CCDC102B: variants seen among roughly 807,000 people sequenced by gnomAD.
CCDC102B encodes the protein coiled-coil domain-containing protein 102B.
CCDC102B carries 75 observed loss-of-function variants against 57.4 expected under a neutral mutation model. That is an observed-to-expected ratio of 1.31 (90% CI 1.08 to 1.58). The LOEUF (loss-of-function observed/expected upper bound fraction) is 1.58. CCDC102B is among the 40% of genes most tolerant of loss of function. The pLI is 0.00. For synonymous variants in CCDC102B, 206 were observed against 201.9 expected, an observed-to-expected ratio of 1.02 and a Z score of -0.17; for missense variants, 636 against 582.6, an observed-to-expected ratio of 1.09 and a Z score of -0.94.
At chr18:68,747,272 T>G (rs1468912027) in intron 2 of CCDC102B, among the ~76,000 whole-genome samples, 2 of 152,080 alleles carry the variant, frequency 1.3e-5, no homozygotes, top group Admixed American at 6.6e-5. Flanking sequence ...AGTATTCTAT[T>G]CTCTACTTCT....
At chr18:68,740,829 T>C (rs1034116873) in intron 2 of CCDC102B, among the ~76,000 whole-genome samples, 9 of 152,182 alleles carry the variant, frequency 5.9e-5, no homozygotes, top group Non-Finnish European at 8.8e-5. Flanking sequence ...TATGTACTTA[T>C]GAAATATTTA....
chr18:68,988,411 G>A (rs1944641732), intron 6 of CCDC102B, among the ~76,000 whole-genome samples: 1 of 66 alleles, frequency 0.015, no homozygotes, highest in Non-Finnish European at 0.031. Context: ...AGGGTGGGAG[G>A]GTATGGGTTG....
At chr18:68,910,767 G>C (rs1053296421) in intron 6 of CCDC102B, among the ~76,000 whole-genome samples, 2 of 152,240 alleles carry the variant, frequency 1.3e-5, no homozygotes, top group East Asian at 3.8e-4. Flanking sequence ...TTTCAGTGCT[G>C]TGTTTGACTT....
At chr18:68,911,728 G>A (rs1394748186) in intron 6 of CCDC102B, among the ~76,000 whole-genome samples, 2 of 107,984 alleles carry the variant, frequency 1.9e-5, no homozygotes, top group Admixed American at 1.1e-4. Flanking sequence ...CTCCAGCCTG[G>A]GCGACAGAGC....
In CCDC102B at chr18:68,946,749, G is replaced by A. The variant is rs112279352; in HGVS notation, c.1263+49321G>A. 4.3e-3 allele frequency among the ~76,000 whole-genome samples: 647 copies of A among 152,026 alleles called. 4 individuals are homozygous for A. Among genetic ancestry groups the A allele is most frequent in the African/African-American group, 0.015 (607 of 41,516 alleles). On this transcript the variant is annotated intron_variant, in intron 6 of 7. Coordinates refer to ENST00000360242, the MANE Select transcript of CCDC102B (RefSeq NM_024781.3). ...TAAGGGCTTTGAAGGTAAAACATTT[G>A]TTAAATTTTGTTTCAATAATGGTTT... is the stretch of plus-strand genomic sequence containing the variant.
intron 6 of CCDC102B, among the ~76,000 whole-genome samples, chr18:68,947,705 G>A (rs2049580881): frequency 1.3e-5 from 2 of 152,018 alleles, no homozygotes; most frequent in African/African-American, 4.8e-5. Flanking sequence ...ATTCTGCAAG[G>A]AGAGCTTGGC....
intron 6 of CCDC102B, among the ~76,000 whole-genome samples, chr18:68,957,059 T>C (rs887556854): frequency 1.4e-4 from 22 of 152,076 alleles, no homozygotes; most frequent in Non-Finnish European, 3.2e-4. Flanking sequence ...TATGCAAATA[T>C]TTTCTCTTAT....
chr18:68,856,442 C>A (rs1453640265), intron 4 of CCDC102B, among the ~76,000 whole-genome samples: 2 of 152,100 alleles, frequency 1.3e-5, no homozygotes, highest in African/African-American at 2.4e-5. Flanking sequence ...AGGCATGTAC[C>A]ACCACAACTG....
chr18:68,890,023 T>G (rs1273841053), intron 5 of CCDC102B, among the ~76,000 whole-genome samples: 1 of 152,178 alleles, frequency 6.6e-6, no homozygotes, highest in African/African-American at 2.4e-5. Context: ...ACTGGAGATA[T>G]TAGGATGCTG....
intron 6 of CCDC102B, among the ~76,000 whole-genome samples, chr18:68,943,721 A>G (rs1050242626): frequency 1.3e-5 from 2 of 152,150 alleles, no homozygotes; most frequent in Non-Finnish European, 2.9e-5. Flanking sequence ...TTTGAGACCA[A>G]TTAAGAGTCC....
At chr18:69,048,947 A>G (rs1158157108) in intron 7 of CCDC102B, among the ~76,000 whole-genome samples, 5 of 151,698 alleles carry the variant, frequency 3.3e-5, no homozygotes, top group Non-Finnish European at 7.4e-5. Flanking sequence ...TCATTGAATT[A>G]TATTTTTCAT....
At chr18:68,956,551 ATAT>A (rs1218925051) in intron 6 of CCDC102B, among the ~76,000 whole-genome samples, 44 of 1,892 alleles carry the variant, frequency 0.023, 2 homozygotes, top group African/African-American at 0.054. Context: ...ATATATATAA[ATAT>A]TATATATATT....
intron 1 of CCDC102B, among the ~76,000 whole-genome samples, chr18:68,819,957 C>G (rs759899156): frequency 6.6e-5 from 10 of 151,972 alleles, no homozygotes; most frequent in Non-Finnish European, 1.0e-4. Flanking sequence ...AAATCACTTA[C>G]TAGTTTTAAT....
At chr18:68,788,260 A>G (rs745799309) in intron 2 of CCDC102B, among the ~76,000 whole-genome samples, 448 of 152,184 alleles carry the variant, frequency 2.9e-3, no homozygotes, top group Non-Finnish European at 5.1e-3. Context: ...TATGTGGTCA[A>G]TTTTGGAATA....
intron 7 of CCDC102B, among the ~76,000 whole-genome samples, chr18:69,038,583 C>T (rs2052354063): frequency 6.6e-6 from 1 of 151,824 alleles, no homozygotes; most frequent in African/African-American, 2.4e-5. Flanking sequence ...ATGTAAAGCA[C>T]CCATAAGGGA....
At chr18:68,857,619 A>G (rs1020954175) in intron 4 of CCDC102B, among the ~76,000 whole-genome samples, 20 of 151,416 alleles carry the variant, frequency 1.3e-4, no homozygotes, top group Non-Finnish European at 2.2e-4. Flanking sequence ...ATAGTTATAT[A>G]CTCATAGTAT....
rs549648557 is a variant in CCDC102B, at chr18:68,943,795, G to T, written c.1263+46367G>T. ...AAAATTCTCTAGGCCGGAGGAAGGG[G>T]CTTGATTAACTTTTATACCTTGGTT... On this transcript the variant is annotated intron_variant, in intron 6 of 7. Coordinates refer to ENST00000360242, the MANE Select transcript of CCDC102B (RefSeq NM_024781.3). Among the ~76,000 whole-genome samples the T allele has an allele frequency of 4.6e-5, 7 of 152,260 alleles. No individual in the cohort carries two copies. In the South Asian group the frequency reaches 1.2e-3, roughly 27 times the overall value.
At chr18:68,985,272 A>G (rs984546430) in intron 6 of CCDC102B, among the ~76,000 whole-genome samples, 2 of 152,180 alleles carry the variant, frequency 1.3e-5, no homozygotes, top group African/African-American at 2.4e-5. Flanking sequence ...AATATTTTCT[A>G]TATAAATTCA....
At chr18:68,802,380 A>C (rs765681001) in intron 1 of CCDC102B, among the ~76,000 whole-genome samples, 19 of 152,218 alleles carry the variant, frequency 1.2e-4, no homozygotes, top group South Asian at 4.1e-4. Context: ...AAAAACATGG[A>C]TGTTGCAATT....
Sources: allele counts gnomAD v4.1 joint callset (sites outside exome capture counted in the v4.1 genomes callset), GRCh38; gene constraint gnomAD v4.1.1; transcripts MANE v1.5; gene names NCBI Gene and HGNC (gene_info 2026-07-23, HGNC 2026-07-21).